Variants in NRG3 observed in about 807,000 individuals in gnomAD.
NRG3 encodes pro-neuregulin-3, membrane-bound isoform.
NRG3 carries 31 observed loss-of-function variants against 66.9 expected under a neutral mutation model. That is an observed-to-expected ratio of 0.46 (90% confidence interval 0.35 to 0.63). The LOEUF (loss-of-function observed/expected upper bound fraction) is 0.63, where lower values mean the gene tolerates loss of function less well. Ranked by LOEUF, NRG3 falls within the 20% of genes least tolerant of loss-of-function variation. The pLI, the probability that NRG3 is intolerant of heterozygous loss-of-function variation, is 0.00. For synonymous variants in NRG3, 393 were observed against 359.4 expected (o/e 1.09, Z -1.06); for missense variants, 910 against 878.9 (o/e 1.04, Z -0.45).
intron 2 of NRG3, among the ~76,000 whole-genome samples, chr10:82,726,251 A>G (rs1214079157): frequency 6.6e-6 from 1 of 152,190 alleles, no homozygotes; most frequent in Non-Finnish European, 1.5e-5. Flanking sequence ...AGGATGTCTT[A>G]CTAGGGCACA....
chr10:82,261,504 A>G (rs2078029955), intron 1 of NRG3, among the ~76,000 whole-genome samples: 1 of 152,196 alleles, frequency 6.6e-6, no homozygotes, highest in African/African-American at 2.4e-5. Flanking sequence ...GCGGCGCTAG[A>G]GGAATTAAAG....
chr10:82,822,370 C>T (rs2061989353), intron 3 of NRG3, among the ~76,000 whole-genome samples: 1 of 152,088 alleles, frequency 6.6e-6, no homozygotes, highest in African/African-American at 2.4e-5. Flanking sequence ...GGAAAGCCTC[C>T]TGAGCAGCAG....
chr10:82,418,415 AGTTTATGCAAAT>A (rs1300426185), intron 2 of NRG3, among the ~76,000 whole-genome samples: 2 of 152,212 alleles, frequency 1.3e-5, no homozygotes, highest in Admixed American at 1.3e-4. Context: ...CAAATTAACC[AGTTTATGCAAAT>A]GTTTATGCAA....
intron 7 of NRG3, among the ~76,000 whole-genome samples, chr10:82,975,926 G>C (rs17688707): frequency 0.065 from 9,919 of 152,152 alleles, 418 homozygotes; most frequent in South Asian, 0.18. Context: ...ATGAAACAGA[G>C]CTATTAATTC....
intron 4 of NRG3, among the ~76,000 whole-genome samples, chr10:82,929,764 A>G (rs1000380851): frequency 2.6e-5 from 4 of 151,800 alleles, no homozygotes; most frequent in Non-Finnish European, 5.9e-5. Flanking sequence ...CTGTAATCAC[A>G]GCTATGGTGG....
chr10:82,472,541 G>A (rs563349167), intron 2 of NRG3, among the ~76,000 whole-genome samples: 9 of 152,290 alleles, frequency 5.9e-5, no homozygotes, highest in African/African-American at 1.7e-4. Flanking sequence ...AAGCATCGCC[G>A]TTTTATGGCA....
At chr10:82,302,037 C>CT (rs1176084168) in intron 1 of NRG3, among the ~76,000 whole-genome samples, 1 of 150,928 alleles carries the variant, frequency 6.6e-6, no homozygotes, top group East Asian at 1.9e-4. Flanking sequence ...TTATGTTATA[C>CT]TTTTTACTGT....
chr10:82,875,354 C>T (rs1333968974), intron 4 of NRG3, among the ~76,000 whole-genome samples: 2 of 152,010 alleles, frequency 1.3e-5, no homozygotes, highest in East Asian at 3.9e-4. Flanking sequence ...TATGACCACT[C>T]TCTTTCTATT....
At chr10:82,088,163 A>G (rs1210625339) in intron 1 of NRG3, among the ~76,000 whole-genome samples, 1 of 152,106 alleles carries the variant, frequency 6.6e-6, no homozygotes, top group African/African-American at 2.4e-5. Context: ...ATATGGGTCA[A>G]TTGATTTCTT....
intron 1 of NRG3, among the ~76,000 whole-genome samples, chr10:82,114,138 C>T (rs888582255): frequency 8.5e-5 from 13 of 152,170 alleles, no homozygotes; most frequent in African/African-American, 2.6e-4. Flanking sequence ...AAGGATCATT[C>T]GTCTATCATC....
rs74942502 is a variant in NRG3, at chr10:81,924,579, G to A, written c.823+48416G>A. Among the ~76,000 whole-genome samples the A allele has an allele frequency of 2.5e-3, 385 of 152,320 alleles. 5 individuals carry two copies. The highest frequency in any genetic ancestry group is 0.024 in the Admixed American group (361 of 15,302). ...ATTTGGGTGGACAGAGTCCAGAAAT[G>A]TCCTGTTTCGACTGGTTTGTTTAAG... On this transcript the variant is annotated intron_variant, in intron 1 of 8. Transcript: ENST00000372141.
intron 1 of NRG3, among the ~76,000 whole-genome samples, chr10:82,288,034 C>G (rs975018378): frequency 2.0e-5 from 3 of 152,174 alleles, no homozygotes; most frequent in African/African-American, 7.2e-5. Context: ...TGCAGTACTA[C>G]AGATATGTGA....
intron 2 of NRG3, among the ~76,000 whole-genome samples, chr10:82,527,094 T>G (rs2132604055): frequency 6.6e-6 from 1 of 152,120 alleles, no homozygotes; most frequent in East Asian, 1.9e-4. Context: ...ATACCAAGAC[T>G]ATTTATAATA....
chr10:82,432,968 G>T (rs2089917828), intron 2 of NRG3, among the ~76,000 whole-genome samples: 1 of 152,076 alleles, frequency 6.6e-6, no homozygotes, highest in Admixed American at 6.6e-5. Flanking sequence ...TATTCCTTTG[G>T]ATATATACCC....
At chr10:82,926,070 T>C (rs1846964564) in intron 4 of NRG3, among the ~76,000 whole-genome samples, 1 of 152,220 alleles carries the variant, frequency 6.6e-6, no homozygotes, top group East Asian at 1.9e-4. Context: ...TCCATATCCA[T>C]GGGTTCTGCA....
At chr10:82,216,609 G>T (rs200283251) in intron 1 of NRG3, among the ~76,000 whole-genome samples, 9 of 142,588 alleles carry the variant, frequency 6.3e-5, no homozygotes, top group East Asian at 4.1e-4. Flanking sequence ...GATATATATA[G>T]ATATATATAT....
At chr10:82,835,004 A>C (rs556130612) in intron 3 of NRG3, among the ~76,000 whole-genome samples, 57 of 152,306 alleles carry the variant, frequency 3.7e-4, no homozygotes, top group African/African-American at 1.3e-3. Flanking sequence ...TGTCATTAAG[A>C]AGGATTTGTA....
intron 1 of NRG3, among the ~76,000 whole-genome samples, chr10:82,245,114 G>A (rs1364899072): frequency 1.3e-5 from 2 of 152,128 alleles, no homozygotes; most frequent in African/African-American, 2.4e-5. Flanking sequence ...TCAACATAAT[G>A]TAGAATCAGT....
intron 1 of NRG3, among the ~76,000 whole-genome samples, chr10:81,937,429 A>G (rs190218185): frequency 4.6e-5 from 7 of 152,152 alleles, no homozygotes; most frequent in Admixed American, 4.6e-4. Context: ...TCTTACCAAC[A>G]TTTATTATTA....
Sources: allele counts gnomAD v4.1 joint callset (sites outside exome capture counted in the v4.1 genomes callset), GRCh38; gene constraint gnomAD v4.1.1; transcripts MANE v1.5; gene names NCBI Gene and HGNC (gene_info 2026-07-23, HGNC 2026-07-21).